Variants in NELL1 observed in about 807,000 individuals in gnomAD.
The protein encoded by NELL1 is neural EGFL like 1, also known as protein kinase C-binding protein NELL1.
NELL1 carries 76 observed loss-of-function variants against 107.4 expected under a neutral mutation model. The ratio of observed to expected loss-of-function variants is 0.71; its 90% CI spans 0.59 to 0.86. The LOEUF is 0.86. NELL1 is among the 40% of genes least tolerant of loss of function. The probability of loss-of-function intolerance (pLI) is 0.00; values close to 1 mark genes in which losing one functional copy is unlikely to be tolerated. For missense variants in NELL1, 1,024 were observed against 1,005.5 expected, an observed-to-expected ratio of 1.02 and a Z score of -0.25; for synonymous variants, 353 against 341.2, an observed-to-expected ratio of 1.03 and a Z score of -0.38.
chr11:20,677,978 C>A lies in NELL1; in HGVS notation c.102C>A (p.Thr34=), dbSNP rs140148541. ...CTGACCTTCAGATGGATATCGTCAC[C>A]GAGCTTGACCTTGTGAACACCACCC... ...MDPDLQMDIV[T]ELDLVNTTLG... The change falls in exon 2 of 20, where the codon ACC becomes ACA. Residue 34 remains threonine (T), a synonymous_variant. Transcript: ENST00000357134. 2 of 1,614,110 alleles carry A rather than the reference C, an allele frequency of 1.2e-6. No homozygotes were observed. Among genetic ancestry groups the A allele is most frequent in the South Asian group, 1.1e-5 (1 of 91,066 alleles).
At chr11:20,681,561 C>A (rs1422660482) in intron 2 of NELL1, among the ~76,000 whole-genome samples, 2 of 152,062 alleles carry the variant, frequency 1.3e-5, no homozygotes, top group African/African-American at 4.8e-5. Flanking sequence ...TATCCAATGC[C>A]GAAGCCTCTT....
chr11:21,025,781 T>C (rs193045832), intron 12 of NELL1, among the ~76,000 whole-genome samples: 3 of 152,260 alleles, frequency 2.0e-5, no homozygotes, highest in South Asian at 2.1e-4. Context: ...CCACTTGACG[T>C]TGAAAATGAA....
chr11:20,864,083 CAGAGGGAGACCGTGGAAAGAGAGGG>C (rs61683315), intron 4 of NELL1, among the ~76,000 whole-genome samples: 92,394 of 151,814 alleles, frequency 0.61, 31,234 homozygotes, highest in Non-Finnish European at 0.76. Context: ...GGCTGGGCAT[CAGAGGGAGACCGTGGAAAGAGAGGG>C]AGAGGGAGAC....
intron 14 of NELL1, among the ~76,000 whole-genome samples, chr11:21,253,888 C>G (rs181458307): frequency 6.6e-6 from 1 of 152,056 alleles, no homozygotes; most frequent in African/African-American, 2.4e-5. Context: ...TGTGGATATA[C>G]TCCAATGGAG....
intron 15 of NELL1, among the ~76,000 whole-genome samples, chr11:21,442,942 CTTTTTTTTTT>C (rs66501874): frequency 1.7e-5 from 1 of 57,564 alleles, no homozygotes; most frequent in Non-Finnish European, 3.3e-5. Flanking sequence ...GCTATCTTTC[CTTTTTTTTTT>C]TTTTTTTTTT....
intron 9 of NELL1, among the ~76,000 whole-genome samples, chr11:20,934,346 T>C (rs539821005): frequency 5.9e-5 from 9 of 152,306 alleles, no homozygotes; most frequent in Non-Finnish European, 7.3e-5. Flanking sequence ...TGCAGTAATA[T>C]GTTGATCTCA....
intron 14 of NELL1, among the ~76,000 whole-genome samples, chr11:21,335,651 A>G (rs1850372736): frequency 6.6e-6 from 1 of 152,082 alleles, no homozygotes; most frequent in Admixed American, 6.6e-5. Flanking sequence ...CTACCTGAAG[A>G]CAGTCAAATA....
At chr11:20,722,719 A>T (rs1183585300) in intron 2 of NELL1, among the ~76,000 whole-genome samples, 1 of 152,204 alleles carries the variant, frequency 6.6e-6, no homozygotes, top group Non-Finnish European at 1.5e-5. Context: ...GAAATAAAGC[A>T]GAGAAGGAGG....
chr11:21,196,991 C>G (rs1857168557), intron 13 of NELL1, among the ~76,000 whole-genome samples: 1 of 151,604 alleles, frequency 6.6e-6, no homozygotes, highest in South Asian at 2.1e-4. Flanking sequence ...CCTGCCTCAG[C>G]CTCCCAAGTA....
chr11:20,919,209 T>A, intron 6 of NELL1, 43 bp from the exon 7 acceptor site: 1 of 1,219,490 alleles, frequency 8.2e-7, no homozygotes, highest in Non-Finnish European at 1.2e-6. Context: ...TTTCTTATAT[T>A]AGCACAATAT....
chr11:20,707,923 A>G (rs1305797512), intron 2 of NELL1, among the ~76,000 whole-genome samples: 1 of 152,212 alleles, frequency 6.6e-6, no homozygotes, highest in African/African-American at 2.4e-5. Context: ...CCTTTTCTTC[A>G]GCTATGCCCT....
intron 15 of NELL1, among the ~76,000 whole-genome samples, chr11:21,404,334 T>C (rs963759362): frequency 1.3e-5 from 2 of 151,984 alleles, no homozygotes; most frequent in African/African-American, 4.8e-5. Context: ...TGTCCTTCAG[T>C]CAGTTGCTTT....
At chr11:20,715,353 T>A (rs1053737869) in intron 2 of NELL1, among the ~76,000 whole-genome samples, 2 of 151,962 alleles carry the variant, frequency 1.3e-5, no homozygotes, top group African/African-American at 4.8e-5. Flanking sequence ...ATTTATAATT[T>A]AATCCTTCTG....
chr11:21,101,855 GTTTC>G (rs200961305), intron 12 of NELL1, among the ~76,000 whole-genome samples: 1,649 of 151,890 alleles, frequency 0.011, 29 homozygotes, highest in African/African-American at 0.038. Context: ...TAGATCCCAC[GTTTC>G]TTTCTTTCTT....
chr11:20,902,546 T>C (rs1240046125), intron 5 of NELL1, among the ~76,000 whole-genome samples: 2 of 152,122 alleles, frequency 1.3e-5, no homozygotes, highest in African/African-American at 2.4e-5. Context: ...GTGGAACCAA[T>C]AGAGAGGGAA....
At chr11:21,417,112 G>C (rs962653578) in intron 15 of NELL1, among the ~76,000 whole-genome samples, 5 of 152,054 alleles carry the variant, frequency 3.3e-5, no homozygotes, top group African/African-American at 1.2e-4. Context: ...GTGTGGACAT[G>C]TATAAAGGAC....
intron 11 of NELL1, among the ~76,000 whole-genome samples, chr11:20,954,335 G>C (rs1467272516): frequency 6.6e-6 from 1 of 152,008 alleles, no homozygotes; most frequent in African/African-American, 2.4e-5. Flanking sequence ...TTCCTCTTTG[G>C]TTGTCATTCC....
At chr11:21,257,203 A>G (rs1858791661) in intron 14 of NELL1, among the ~76,000 whole-genome samples, 1 of 152,118 alleles carries the variant, frequency 6.6e-6, no homozygotes, top group East Asian at 1.9e-4. Flanking sequence ...TTCATGTTCC[A>G]GTGTGGCCCT....
intron 9 of NELL1, among the ~76,000 whole-genome samples, chr11:20,934,818 C>G (rs1850689453): frequency 6.6e-6 from 1 of 152,168 alleles, no homozygotes; most frequent in Non-Finnish European, 1.5e-5. Flanking sequence ...ACTGGGAAAT[C>G]TAGCTCTCAT....
Sources: gnomAD v4.1 joint callset for allele counts (sites outside exome capture counted in the v4.1 genomes callset) on GRCh38, gnomAD v4.1.1 for gene constraint, MANE v1.5 for transcripts, NCBI Gene and HGNC (gene_info 2026-07-23, HGNC 2026-07-21) for gene names.